Variants in PLPP1 observed in about 807,000 individuals in gnomAD.
PLPP1 encodes phospholipid phosphatase 1.
Under a neutral mutation model 31.2 loss-of-function variants are expected in PLPP1, and 24 were observed. The observed-to-expected ratio is 0.77, with a 90% CI of 0.56 to 1.08. PLPP1 has a LOEUF of 1.08. Among genes scored for constraint, PLPP1 ranks in the 50% least tolerant of loss-of-function variants. PLPP1 has a pLI of 0.00. For missense variants in PLPP1, 319 were observed against 342.7 expected, an observed-to-expected ratio of 0.93 and a Z score of 0.55; for synonymous variants, 146 against 126.3, an observed-to-expected ratio of 1.16 and a Z score of -1.05.
intron 1 of PLPP1, among the ~76,000 whole-genome samples, chr5:55,482,045 A>T (rs1392601720): frequency 6.8e-6 from 1 of 147,910 alleles, no homozygotes; most frequent in Non-Finnish European, 1.5e-5. Flanking sequence ...TTATTTATAT[A>T]AGATACATCC....
At chr5:55,448,281 A>G (rs1489898886) in intron 3 of PLPP1, among the ~76,000 whole-genome samples, 1 of 152,088 alleles carries the variant, frequency 6.6e-6, no homozygotes, top group African/African-American at 2.4e-5. Context: ...GAAAATGAGC[A>G]CTCTCATATT....
intron 1 of PLPP1, among the ~76,000 whole-genome samples, chr5:55,484,140 T>A (rs985909392): frequency 2.6e-5 from 4 of 152,138 alleles, no homozygotes; most frequent in African/African-American, 4.8e-5. Context: ...TTAGCAAAAG[T>A]CCTGCTAAGT....
intron 1 of PLPP1, among the ~76,000 whole-genome samples, chr5:55,504,687 A>G (rs1753232906): frequency 6.6e-6 from 1 of 152,130 alleles, no homozygotes; most frequent in African/African-American, 2.4e-5. Context: ...TAAGAAATAT[A>G]ATCTAAAATA....
intron 4 of PLPP1, among the ~76,000 whole-genome samples, chr5:55,436,229 C>A (rs1218852537): frequency 6.6e-6 from 1 of 152,134 alleles, no homozygotes. Flanking sequence ...TCCTCCCAGT[C>A]CCAAATGATA....
At chr5:55,435,787 A>G (rs1751477809) in intron 4 of PLPP1, among the ~76,000 whole-genome samples, 1 of 152,136 alleles carries the variant, frequency 6.6e-6, no homozygotes, top group South Asian at 2.1e-4. Flanking sequence ...TGGATATACA[A>G]ATACCACAGG....
At chr5:55,452,714 C>G (rs1193511192) in intron 3 of PLPP1, among the ~76,000 whole-genome samples, 1 of 152,186 alleles carries the variant, frequency 6.6e-6, no homozygotes, top group Non-Finnish European at 1.5e-5. Context: ...CACCCTTTCT[C>G]TGAAGAGCAC....
intron 1 of PLPP1, among the ~76,000 whole-genome samples, chr5:55,513,409 T>C (rs970413047): frequency 3.3e-5 from 5 of 151,904 alleles, no homozygotes; most frequent in African/African-American, 1.2e-4. Flanking sequence ...TACAGGCAGG[T>C]ACCACCACAC....
chr5:55,501,977 G>A (rs1042792026), intron 1 of PLPP1, among the ~76,000 whole-genome samples: 1 of 152,082 alleles, frequency 6.6e-6, no homozygotes, highest in South Asian at 2.1e-4. Context: ...TAAAATAATG[G>A]CACTCAGGCA....
intron 4 of PLPP1, among the ~76,000 whole-genome samples, chr5:55,431,443 G>A (rs1433598717): frequency 6.6e-6 from 1 of 152,180 alleles, no homozygotes; most frequent in Non-Finnish European, 1.5e-5. Context: ...CTCAGATCGT[G>A]ATGGAATAAA....
intron 2 of PLPP1, among the ~76,000 whole-genome samples, chr5:55,473,949 G>C (rs369978279): frequency 6.7e-6 from 1 of 150,056 alleles, no homozygotes; most frequent in East Asian, 2.0e-4. Flanking sequence ...GATTACAGGC[G>C]TGAGCCACCA....
At chr5:55,473,994 G>GTTTTT (rs59649742) in intron 2 of PLPP1, among the ~76,000 whole-genome samples, 1 of 144,992 alleles carries the variant, frequency 6.9e-6, no homozygotes, top group East Asian at 2.0e-4. Flanking sequence ...TTGTTTGTTT[G>GTTTTT]TTGTTTTTTT....
chr5:55,443,192 A>AAAAAAAAAAAAAAATAT, intron 3 of PLPP1, among the ~76,000 whole-genome samples: 43 of 25,406 alleles, frequency 1.7e-3, no homozygotes, highest in Non-Finnish European at 2.6e-3. Context: ...AAAAAAAAAA[A>AAAAAAAAAAAAAAATAT]ATATATATAT....
intron 3 of PLPP1, among the ~76,000 whole-genome samples, chr5:55,456,857 G>A (rs1477602398): frequency 2.6e-5 from 4 of 152,120 alleles, no homozygotes; most frequent in African/African-American, 9.7e-5. Flanking sequence ...TACTAAGGGA[G>A]CTTATCTTAA....
At chr5:55,519,724 T>C (rs1365835155) in intron 1 of PLPP1, among the ~76,000 whole-genome samples, 1 of 148,682 alleles carries the variant, frequency 6.7e-6, no homozygotes, top group Non-Finnish European at 1.5e-5. Flanking sequence ...CACTCCAGCC[T>C]GGACAAAAGC....
intron 4 of PLPP1, among the ~76,000 whole-genome samples, chr5:55,428,959 C>T (rs962541596): frequency 6.6e-6 from 1 of 152,056 alleles, no homozygotes; most frequent in Non-Finnish European, 1.5e-5. Context: ...GGTGGAATTG[C>T]CCATTCACAG....
At chr5:55,516,557 C>G (rs187897824) in intron 1 of PLPP1, among the ~76,000 whole-genome samples, 2 of 152,184 alleles carry the variant, frequency 1.3e-5, no homozygotes, top group Non-Finnish European at 2.9e-5. Context: ...CACTATGTAA[C>G]GGTGACTGGG....
chr5:55,447,052 A>C (rs979951560), intron 3 of PLPP1, among the ~76,000 whole-genome samples: 10 of 152,194 alleles, frequency 6.6e-5, no homozygotes, highest in African/African-American at 2.4e-4. Flanking sequence ...AAAACACTTA[A>C]ATGTGTTTCA....
intron 1 of PLPP1, chr5:55,508,954 T>A (rs1421233013): frequency 6.5e-6 from 1 of 154,068 alleles, no homozygotes; most frequent in Non-Finnish European, 1.5e-5. Context: ...GAGCTTTTAA[T>A]AGAGTAGAAA....
intron 1 of PLPP1, among the ~76,000 whole-genome samples, chr5:55,521,359 A>T (rs1258034092): frequency 4.0e-5 from 6 of 151,700 alleles, no homozygotes; most frequent in Admixed American, 3.9e-4. Flanking sequence ...CTCAAAAAAA[A>T]AAAAAAAATT....
Sources: gnomAD v4.1 joint callset for allele counts (sites outside exome capture counted in the v4.1 genomes callset) on GRCh38, gnomAD v4.1.1 for gene constraint, MANE v1.5 for transcripts, NCBI Gene and HGNC (gene_info 2026-07-23, HGNC 2026-07-21) for gene names.